The following XG variants were observed in gnomAD, a reference collection of about 807,000 sequenced individuals.
XG encodes the protein glycoprotein Xg.
In XG, 24 loss-of-function variants were observed where a neutral mutation model predicts 25.7. The ratio of observed to expected loss-of-function variants is 0.93; its 90% CI spans 0.68 to 1.31. The LOEUF (loss-of-function observed/expected upper bound fraction) is 1.31, where lower values mean the gene tolerates loss of function less well. XG is among the 40% of genes most tolerant of loss of function. The pLI, the probability that XG is intolerant of heterozygous loss-of-function variation, is 0.00. For synonymous variants in XG, 77 were observed against 69.2 expected, an observed-to-expected ratio of 1.11 and a Z score of -0.56; for missense variants, 181 against 187.6, an observed-to-expected ratio of 0.96 and a Z score of 0.21.
intron 7 of XG, among the ~76,000 whole-genome samples, chrX:2,798,931 G>A (rs1337746475): frequency 1.9e-5 from 2 of 106,678 alleles, no homozygotes; most frequent in African/African-American, 3.5e-5. Context: ...CTTTGTGAGA[G>A]CCAAGGCTGT....
intron 1 of XG, among the ~76,000 whole-genome samples, chrX:2,763,083 G>C (rs1216279901): frequency 6.6e-6 from 1 of 152,124 alleles, no homozygotes; most frequent in Non-Finnish European, 1.5e-5. Context: ...GTGCAATCTT[G>C]GCTCAGTGCA....
intron 8 of XG, 140 bp from the exon 9 acceptor site, chrX:2,808,045 C>G: frequency 1.6e-6 from 1 of 640,395 alleles, no homozygotes. Context: ...GGCTGTCCCC[C>G]TCCCCCCACA....
chrX:2,760,671 G>C (rs1317149842), intron 1 of XG, among the ~76,000 whole-genome samples: 2 of 149,436 alleles, frequency 1.3e-5, no homozygotes, highest in Non-Finnish European at 3.0e-5. Flanking sequence ...GGAGGTGGAG[G>C]TTGCAGTGAG....
chrX:2,753,730 C>T (rs987787552), intron 1 of XG, among the ~76,000 whole-genome samples: 18 of 151,948 alleles, frequency 1.2e-4, no homozygotes, highest in African/African-American at 4.4e-4. Context: ...TTATAGGTGC[C>T]CACCACCACA....
chrX:2,773,538 G>A (rs1731731266), intron 2 of XG, among the ~76,000 whole-genome samples: 1 of 127,492 alleles, frequency 7.8e-6, no homozygotes. Flanking sequence ...AAGGAGAGAA[G>A]GAAGGAAGGA....
intron 1 of XG, among the ~76,000 whole-genome samples, chrX:2,765,041 CAAAAAAA>C (rs1219282861): frequency 3.3e-4 from 12 of 36,608 alleles, no homozygotes; most frequent in South Asian, 1.4e-3. Flanking sequence ...ATTCTTTATC[CAAAAAAA>C]AAAAAAAAAA....
At position 2,794,613 on chromosome X, in the gene XG, G is replaced by A; in HGVS notation, c.322+10G>A. On this transcript the variant is annotated intron_variant, in intron 6 of 10. Transcript: ENST00000644266. Reference sequence around the variant, plus strand: ...CCACGGCCGCCTGCAGGTAGGTGCCGAGCCTCCCCAGATGCGACACATTGA... The same window carrying A: ...CCACGGCCGCCTGCAGGTAGGTGCCAAGCCTCCCCAGATGCGACACATTGA... 8.3e-7 allele frequency: 1 copy of A among 1,209,709 alleles called. No individual in the cohort carries two copies. Among genetic ancestry groups the A allele is most frequent in the South Asian group, 1.8e-5 (1 of 56,385 alleles).
At chrX:2,762,460 G>T (rs1194048791) in intron 1 of XG, among the ~76,000 whole-genome samples, 1 of 152,010 alleles carries the variant, frequency 6.6e-6, no homozygotes, top group Non-Finnish European at 1.5e-5. Context: ...CACCAGGGCG[G>T]CCTGCTCAGC....
intron 1 of XG, among the ~76,000 whole-genome samples, chrX:2,766,287 C>T (rs2534623): frequency 0.24 from 36,449 of 152,006 alleles, 5,118 homozygotes; most frequent in East Asian, 0.37. Flanking sequence ...ATTACAGGCA[C>T]GCACCACCAC....
At chrX:2,800,313 A>G (rs968964734) in intron 7 of XG, among the ~76,000 whole-genome samples, 17 of 111,135 alleles carry the variant, frequency 1.5e-4, no homozygotes, top group African/African-American at 5.6e-4. Context: ...AAGGTGTCAG[A>G]GTCTCCGTTT....
intron 2 of XG, among the ~76,000 whole-genome samples, chrX:2,772,536 C>T (rs991904588): frequency 2.6e-5 from 4 of 151,856 alleles, no homozygotes; most frequent in Non-Finnish European, 5.9e-5. Flanking sequence ...AGTGGATTAG[C>T]GATTGTTGGG....
chrX:2,756,356 C>T (rs1410595520), intron 1 of XG, among the ~76,000 whole-genome samples: 1 of 151,794 alleles, frequency 6.6e-6, no homozygotes, highest in East Asian at 1.9e-4. Context: ...TGACAGAGTT[C>T]GATAGAAGAA....
At chrX:2,752,870 C>T (rs2050363844) in intron 1 of XG, 1 of 943,250 alleles carries the variant, frequency 1.1e-6, no homozygotes, top group Non-Finnish European at 1.3e-6. Context: ...GAATTGTTCA[C>T]ATCAAAAACT....
rs936450164 is a variant in XG at position 2,765,483 on chromosome X, A to G, written c.62-5067A>G. Among the ~76,000 whole-genome samples the G allele has an allele frequency of 5.9e-5, 9 of 152,324 alleles. 1 individual carries two copies. The highest frequency in any genetic ancestry group is 5.2e-4 in the Admixed American group (8 of 15,298). On this transcript the variant is annotated intron_variant, in intron 1 of 10. Coordinates refer to ENST00000644266, the MANE Select transcript of XG (RefSeq NM_001141919.2). The stretch of plus-strand genomic sequence containing the variant: ...TCAAAGGACATTGGATTGAATAATG[A>G]AACAGAAGAGCCTGTCTGAATTTAC...
chrX:2,782,385 C>T (rs958002053), intron 4 of XG, among the ~76,000 whole-genome samples: 8 of 112,058 alleles, frequency 7.1e-5, no homozygotes, highest in South Asian at 3.7e-4. Context: ...TTGTTGGCTG[C>T]CTAGACAGAG....
At chrX:2,802,644 C>T (rs1250318768) in intron 7 of XG, among the ~76,000 whole-genome samples, 3 of 108,286 alleles carry the variant, frequency 2.8e-5, no homozygotes, top group Non-Finnish European at 5.7e-5. Context: ...CGGCAGAGCT[C>T]GCTGAGCCGC....
At chrX:2,756,451 G>T (rs1424510911) in intron 1 of XG, among the ~76,000 whole-genome samples, 1 of 152,092 alleles carries the variant, frequency 6.6e-6, no homozygotes, top group African/African-American at 2.4e-5. Flanking sequence ...GAGTCGGAAT[G>T]GTTCTAATAT....
At chrX:2,787,754 A>G (rs771814359) in intron 4 of XG, among the ~76,000 whole-genome samples, 24 of 110,851 alleles carry the variant, frequency 2.2e-4, no homozygotes, top group Admixed American at 1.2e-3. Context: ...TAAAAATACA[A>G]AAATTAGCTG....
intron 2 of XG, among the ~76,000 whole-genome samples, chrX:2,772,439 G>A (rs2050838473): frequency 6.6e-6 from 1 of 152,192 alleles, no homozygotes; most frequent in African/African-American, 2.4e-5. Flanking sequence ...ACTGTGCTCA[G>A]TGAAACAAGC....
Sources: gnomAD v4.1 joint callset for allele counts (sites outside exome capture counted in the v4.1 genomes callset) on GRCh38, gnomAD v4.1.1 for gene constraint, MANE v1.5 for transcripts, NCBI Gene and HGNC (gene_info 2026-07-23, HGNC 2026-07-21) for gene names.